The following FAM209A variants were observed in gnomAD, a reference collection of about 807,000 sequenced individuals.
FAM209A encodes protein FAM209A.
A neutral mutation model predicts 9.8 loss-of-function variants in FAM209A; 4 were observed. The observed-to-expected ratio is 0.41, with a 90% CI of 0.20 to 0.94. The LOEUF (loss-of-function observed/expected upper bound fraction) is 0.94, where lower values mean the gene tolerates loss of function less well. Among genes scored for constraint, FAM209A ranks in the 40% least tolerant of loss-of-function variants. The pLI, the probability that FAM209A is intolerant of heterozygous loss-of-function variation, is 0.32. For missense variants in FAM209A, 205 were observed against 209.4 expected, an observed-to-expected ratio of 0.98 and a Z score of 0.13; for synonymous variants, 55 against 77.8, an observed-to-expected ratio of 0.71 and a Z score of 1.54.
In FAM209A at chr20:56,525,887, T is replaced by A. The variant is rs1246457988; in HGVS notation, c.333T>A (p.Cys111Ter). The A allele has an allele frequency of 6.2e-7, 1 of 1,614,228 alleles. No individual in the cohort carries two copies. The change falls in exon 2 of 2, where the codon TGT becomes TGA. Residue 111 changes from cysteine (C) to a stop codon, truncating the protein, a stop_gained. Transcript: ENST00000371328. LOFTEE classifies it low-confidence loss of function (END_TRUNC). The stretch of plus-strand genomic sequence containing the variant: ...GAAATGCTTCCCCCAACAAAGACTG[T>A]GCATTCAATACCTTAATGGAACTCG... ...KKRNASPNKDCAFNTLMELEV... is the reference protein window; with the variant it reads ...KKRNASPNKD
chr20:56,525,077 T>G lies in FAM209A; in HGVS notation c.249+20T>G, dbSNP rs567455705. The G allele has an allele frequency of 6.2e-7, 1 of 1,611,698 alleles. No homozygotes were observed. Among genetic ancestry groups the G allele is most frequent in the Admixed American group, 1.7e-5 (1 of 59,738 alleles). On this transcript the variant is annotated intron_variant, in intron 1 of 1. Transcript: ENST00000371328. ...AATAAGGTAAGGATGGCTCCATTTTTTTTACACCATATTGATTCAATCTCA... is the reference window on the plus strand; with the variant it reads ...AATAAGGTAAGGATGGCTCCATTTTGTTTACACCATATTGATTCAATCTCA...
chr20:56,533,077 C>T, the FAM209A span: 11 of 859,314 alleles, frequency 1.3e-5, no homozygotes, highest in Non-Finnish European at 1.5e-5. Context: ...TGGAAAGAGT[C>T]CCCTGGCAGG....
chr20:56,531,528 C>T, the FAM209A span, among the ~76,000 whole-genome samples: 5 of 151,848 alleles, frequency 3.3e-5, no homozygotes. Flanking sequence ...CTCAAACTCT[C>T]GACCTTAGGT....
downstream of FAM209A, among the ~76,000 whole-genome samples, chr20:56,529,391 C>T (rs1985665261): frequency 1.3e-5 from 2 of 151,852 alleles, no homozygotes; most frequent in East Asian, 3.9e-4. Flanking sequence ...GTGGTGGGTG[C>T]CTGTAATCCC....
chr20:56,533,446 G>A, the FAM209A span: 23 of 1,610,552 alleles, frequency 1.4e-5, no homozygotes, highest in Middle Eastern at 1.6e-4. Context: ...CCCAGGGGAA[G>A]GTGCCGTGTG....
the FAM209A span, among the ~76,000 whole-genome samples, chr20:56,531,367 C>G: frequency 6.7e-6 from 1 of 149,852 alleles, no homozygotes; most frequent in African/African-American, 2.5e-5. Context: ...GGCACAATCT[C>G]AGCTCACCGC....
In FAM209A at chr20:56,524,863, G is replaced by T; in HGVS notation, c.55G>T (p.Ala19Ser). The T allele has an allele frequency of 1.9e-6, 3 of 1,614,172 alleles. No homozygotes were observed. The highest frequency in any genetic ancestry group is 2.5e-6 in the Non-Finnish European group (3 of 1,180,034). ...GCTTCTGTGCCTCACCTGCAGCTAT[G>T]CCTTTATGTTCTCTTCTCTGAGACA... is the stretch of plus-strand genomic sequence containing the variant. Reference protein sequence around the residue: ...VLLLCLTCSYAFMFSSLRQKT... With the variant: ...VLLLCLTCSYSFMFSSLRQKT... The change falls in exon 1 of 2, where the codon GCC (alanine) becomes TCC (serine). Residue 19 changes from alanine to serine, a missense_variant. Coordinates refer to ENST00000371328, the MANE Select transcript of FAM209A (RefSeq NM_001012971.4).
chr20:56,531,037 T>C (rs1448774957), downstream of FAM209A, among the ~76,000 whole-genome samples: 1 of 152,200 alleles, frequency 6.6e-6, no homozygotes, highest in African/African-American at 2.4e-5. Context: ...CATGTCATTT[T>C]AAAGAACTCA....
chr20:56,527,646 C>A (rs1368818839), downstream of FAM209A, among the ~76,000 whole-genome samples: 2 of 152,218 alleles, frequency 1.3e-5, no homozygotes, highest in East Asian at 3.9e-4. Flanking sequence ...GACCATGAGG[C>A]AGGAGGCCAT....
At chr20:56,526,552 A>C (rs1985538456), downstream of FAM209A, among the ~76,000 whole-genome samples, 1 of 152,112 alleles carries the variant, frequency 6.6e-6, no homozygotes, top group African/African-American at 2.4e-5. Flanking sequence ...TTCTCTCACC[A>C]CAAGAGTCCT....
downstream of FAM209A, among the ~76,000 whole-genome samples, chr20:56,528,972 G>A (rs1329907111): frequency 1.3e-5 from 2 of 152,198 alleles, no homozygotes; most frequent in Non-Finnish European, 2.9e-5. Flanking sequence ...ACTCTGGGAG[G>A]CCGAGGTGGG....
downstream of FAM209A, chr20:56,526,195 A>G: frequency 7.2e-7 from 1 of 1,381,894 alleles, no homozygotes; most frequent in Non-Finnish European, 9.6e-7. Context: ...TTTTCACTAG[A>G]AGAAAAAGTG....
chr20:56,527,268 G>C (rs978634538), downstream of FAM209A, among the ~76,000 whole-genome samples: 11 of 151,974 alleles, frequency 7.2e-5, no homozygotes, highest in Middle Eastern at 3.4e-3. Context: ...GTTAGGAGCT[G>C]CTTCGGGTTG....
the FAM209A span, among the ~76,000 whole-genome samples, chr20:56,531,383 C>T: frequency 6.6e-6 from 1 of 150,834 alleles, no homozygotes; most frequent in East Asian, 2.0e-4. Context: ...ACCGCAACCT[C>T]TGCCTCCCAG....
In FAM209A at chr20:56,525,942, G is replaced by T. The variant is rs1376715677; in HGVS notation, c.388G>T (p.Val130Leu). Residue 130 changes from valine (V) to leucine (L), a missense_variant, in exon 2 of 2, where the codon GTG becomes TTG. Transcript: ENST00000371328. ...EVELMKFVSK[V>L]RNLKRAMATG... ...GGAGCTTATGAAATTTGTGTCCAAA[G>T]TGCGGAATCTTAAACGTGCCATGGC... 6.2e-7 allele frequency: 1 copy of T among 1,614,180 alleles called. No individual in the cohort carries two copies. Among genetic ancestry groups the T allele is most frequent in the Non-Finnish European group, 8.5e-7 (1 of 1,180,048 alleles).
the FAM209A span, among the ~76,000 whole-genome samples, chr20:56,532,321 A>G: frequency 6.6e-6 from 1 of 151,990 alleles, no homozygotes; most frequent in African/African-American, 2.4e-5. Context: ...GCTGCTGTCA[A>G]TGATGGTATG....
the FAM209A span, among the ~76,000 whole-genome samples, chr20:56,531,904 C>T: frequency 0.026 from 3,944 of 151,982 alleles, 559 homozygotes; most frequent in East Asian, 0.46. Context: ...GCTGGGATTA[C>T]AGGTGTGAGC....
chr20:56,533,271 G>T, the FAM209A span: 3 of 1,593,120 alleles, frequency 1.9e-6, no homozygotes, highest in Non-Finnish European at 2.6e-6. Flanking sequence ...CTGGCACCAG[G>T]TGCCCAGTCT....
the FAM209A span, chr20:56,533,473 T>C: frequency 1.2e-6 from 2 of 1,614,144 alleles, no homozygotes; most frequent in Non-Finnish European, 1.7e-6. Flanking sequence ...ACTTTCGGAT[T>C]CGGCAGAACC....
Sources: allele counts gnomAD v4.1 joint callset (sites outside exome capture counted in the v4.1 genomes callset), GRCh38; gene constraint gnomAD v4.1.1; transcripts MANE v1.5; gene names NCBI Gene and HGNC (gene_info 2026-07-23, HGNC 2026-07-21).